Variants in MPPED1 observed in about 807,000 individuals in gnomAD.
MPPED1 encodes the protein metallophosphoesterase domain-containing protein 1.
Under a neutral mutation model 36.2 loss-of-function variants are expected in MPPED1, and 16 were observed. That is an observed-to-expected ratio of 0.44 (90% confidence interval 0.30 to 0.67). The LOEUF (loss-of-function observed/expected upper bound fraction) is 0.67. Ranked by LOEUF, MPPED1 falls within the 30% of genes least tolerant of loss-of-function variation. MPPED1 has a pLI of 0.10. For synonymous variants in MPPED1, 199 were observed against 191.3 expected, an observed-to-expected ratio of 1.04 and a Z score of -0.33; for missense variants, 307 against 453.4, an observed-to-expected ratio of 0.68 and a Z score of 2.93.
rs148735588 is a variant in MPPED1, at chr22:43,457,526, T to C, written c.407-17210T>C. Reference sequence around the variant, plus strand: ...ATGTTTAATATAACTACTGACAAAGTAGGATTTATATCTGCCATTTTGCTT... The same window carrying C: ...ATGTTTAATATAACTACTGACAAAGCAGGATTTATATCTGCCATTTTGCTT... On this transcript the variant is annotated intron_variant, in intron 3 of 6. Transcript: ENST00000443721. 3.0e-3 allele frequency among the ~76,000 whole-genome samples: 461 copies of C among 152,274 alleles called. 2 individuals carry two copies. The highest frequency in any genetic ancestry group is 4.2e-3 in the Non-Finnish European group (284 of 68,020).
intron 4 of MPPED1, among the ~76,000 whole-genome samples, chr22:43,489,308 G>A (rs533042133): frequency 6.6e-4 from 101 of 152,146 alleles, no homozygotes; most frequent in African/African-American, 2.3e-3. Flanking sequence ...ACAGGAGGCC[G>A]GGGGCTGTCC....
At chr22:43,484,629 C>T (rs565868681) in intron 4 of MPPED1, among the ~76,000 whole-genome samples, 68 of 152,346 alleles carry the variant, frequency 4.5e-4, no homozygotes, top group African/African-American at 1.4e-3. Context: ...ACACGCAAAG[C>T]CATGCGGCTG....
intron 3 of MPPED1, among the ~76,000 whole-genome samples, chr22:43,448,578 TTTTATTTATTTATTTATTTA>T (rs135048): frequency 6.1e-5 from 9 of 147,354 alleles, no homozygotes; most frequent in East Asian, 6.0e-4. Flanking sequence ...TTTAAAATCT[TTTTATTTATTTATTTATTTA>T]TTTATTTATT....
At chr22:43,437,488 C>A (rs1383599483) in intron 3 of MPPED1, among the ~76,000 whole-genome samples, 2 of 152,102 alleles carry the variant, frequency 1.3e-5, no homozygotes, top group African/African-American at 2.4e-5. Flanking sequence ...GCAGTGGGAC[C>A]CCAGTGCTGA....
At position 43,506,359 on chromosome 22, in the gene MPPED1, G is replaced by GA. The variant is rs1425371381; in HGVS notation, c.*744dup. The GA allele has an allele frequency of 5.2e-5, 8 of 152,530 alleles. No homozygotes were observed. Among genetic ancestry groups the GA allele is most frequent in the Non-Finnish European group, 1.2e-4 (8 of 68,130 alleles). 9.4% of individuals were successfully genotyped at this position (152,530 alleles called of 1,614,324 possible). A position where few individuals can be genotyped will look rare whatever the true frequency, so the allele number is the denominator to read the frequency against. On this transcript the variant is annotated 3_prime_UTR_variant, in exon 7 of 7. Transcript: ENST00000443721. ...GTGAGAGCGTTCCCAGTCATGGGGG[G>GA]ATGACCCTTGGTCCCACGGGGAACA... is the stretch of plus-strand genomic sequence containing the variant.
At chr22:43,495,332 GTAGTGATGGAGGTGTTGA>G (rs1236841555) in intron 4 of MPPED1, among the ~76,000 whole-genome samples, 11 of 149,092 alleles carry the variant, frequency 7.4e-5, no homozygotes, top group African/African-American at 2.7e-4. Context: ...GATGGTGGTG[GTAGTGATGGAGGTGTTGA>G]TGGAGGTGAT....
At chr22:43,463,807 T>TTTTCTTTCTTTCTTTC (rs695374) in intron 3 of MPPED1, among the ~76,000 whole-genome samples, 27 of 112,996 alleles carry the variant, frequency 2.4e-4, no homozygotes, top group East Asian at 5.4e-4. Context: ...TCATTTTTTC[T>TTTTCTTTCTTTCTTTC]TTTCTTTCTT....
intron 3 of MPPED1, among the ~76,000 whole-genome samples, chr22:43,440,104 G>C (rs370065600): frequency 1.3e-5 from 2 of 152,260 alleles, no homozygotes; most frequent in Non-Finnish European, 2.9e-5. Context: ...ATGTGCAGCC[G>C]TGAGTGGCAT....
chr22:43,419,793 T>C (rs1929201543), intron 1 of MPPED1, among the ~76,000 whole-genome samples: 2 of 152,054 alleles, frequency 1.3e-5, no homozygotes, highest in African/African-American at 4.8e-5. Context: ...GTCGGACCTC[T>C]TTCCTAGACA....
At chr22:43,426,494 C>T (rs183100066) in intron 2 of MPPED1, among the ~76,000 whole-genome samples, 6 of 152,286 alleles carry the variant, frequency 3.9e-5, no homozygotes, top group South Asian at 4.1e-4. Context: ...GGCCCTGGGC[C>T]GCCTCTGGGG....
In MPPED1 at chr22:43,502,670, A is replaced by G. The variant is rs767832883; in HGVS notation, c.775A>G (p.Met259Val). 3 of 1,613,078 alleles carry G rather than the reference A, an allele frequency of 1.9e-6. No individual in the cohort carries two copies. The highest frequency in any genetic ancestry group is 1.1e-5 in the South Asian group (1 of 91,078). ...LGFLDWVPKKMQRVGCVELLN... is the reference protein window; with the variant it reads ...LGFLDWVPKKVQRVGCVELLN... ...CTTCCTGGACTGGGTCCCCAAGAAG[A>G]TGCAGCGGGTGGGCTGTGTGGAGCT... The change falls in exon 6 of 7, where the codon ATG becomes GTG. Residue 259 changes from methionine to valine, a missense_variant. Met to Val is a conservative substitution (Grantham distance 21). This residue lies in a region of MPPED1 where 132 missense variants were observed against 212.3 expected (regional missense o/e 0.62). Coordinates refer to ENST00000443721, the MANE Select transcript of MPPED1 (RefSeq NM_001044370.2). This position sits in a 1 kb window ranked among gnomAD's most constrained non-coding sequence, Gnocchi z 5.5.
At position 43,498,242 on chromosome 22, in the gene MPPED1, T is replaced by G; in HGVS notation, c.640T>G (p.Trp214Gly). The G allele has an allele frequency of 6.5e-7, 1 of 1,534,992 alleles. No individual in the cohort carries two copies. Among genetic ancestry groups the G allele is most frequent in the Non-Finnish European group, 8.7e-7 (1 of 1,146,330 alleles). Residue 214 changes from tryptophan (W) to glycine (G), a missense_variant, in exon 5 of 7, where the codon TGG becomes GGG. Physicochemically the swap from Trp to Gly is radical, Grantham distance 184. Coordinates refer to ENST00000443721, the MANE Select transcript of MPPED1 (RefSeq NM_001044370.2). ...CCTGCACTTCTTCTACAGGCAGCCC[T>G]GGTTCTACGGCTGGGGCTTCAACCT... ...FRIYGSPWQP[W>G]FYGWGFNLPR...
chr22:43,447,881 A>ATTTTT (rs1463126887), intron 3 of MPPED1, among the ~76,000 whole-genome samples: 7 of 34,564 alleles, frequency 2.0e-4, no homozygotes, highest in African/African-American at 1.1e-3. Context: ...ATATATATAT[A>ATTTTT]TATTTTTTTT....
intron 3 of MPPED1, among the ~76,000 whole-genome samples, chr22:43,464,291 CTGTGTGTGTGTG>C (rs60119589): frequency 2.3e-3 from 331 of 143,910 alleles, no homozygotes; most frequent in African/African-American, 7.4e-3. Context: ...TTGGTCAGCT[CTGTGTGTGTGTG>C]TGTGTGTGTG....
chr22:43,433,097 G>A (rs1307250887), intron 2 of MPPED1, among the ~76,000 whole-genome samples: 1 of 152,104 alleles, frequency 6.6e-6, no homozygotes, highest in African/African-American at 2.4e-5. Flanking sequence ...GGTCACACCA[G>A]CTGTCTGTCA....
At chr22:43,446,980 T>C (rs1410375997) in intron 3 of MPPED1, among the ~76,000 whole-genome samples, 2 of 152,154 alleles carry the variant, frequency 1.3e-5, no homozygotes, top group Admixed American at 6.5e-5. Context: ...AGTTGGACCA[T>C]GTAGGCTTAA....
At chr22:43,487,493 G>C (rs1412154634) in intron 4 of MPPED1, among the ~76,000 whole-genome samples, 2 of 152,190 alleles carry the variant, frequency 1.3e-5, no homozygotes, top group African/African-American at 2.4e-5. Context: ...GCTTGTCCTG[G>C]AAGCAGCAGG....
At chr22:43,480,009 T>C (rs1931699164) in intron 4 of MPPED1, among the ~76,000 whole-genome samples, 1 of 152,144 alleles carries the variant, frequency 6.6e-6, no homozygotes, top group African/African-American at 2.4e-5. Context: ...ACCACAGGTA[T>C]GTACCACCAC....
chr22:43,412,115 C>A lies in MPPED1; in HGVS notation c.-122C>A. On this transcript the variant is annotated 5_prime_UTR_variant, in exon 1 of 7. It adds an upstream start codon to the 5' untranslated region. Transcript: ENST00000443721. Reference sequence around the variant, plus strand: ...CCCCTGCCTCCCTCGGTGCGCGCTGCTGCTCGCAGCCGCCGCGGCCGCCGA... The same window carrying A: ...CCCCTGCCTCCCTCGGTGCGCGCTGATGCTCGCAGCCGCCGCGGCCGCCGA... 1 of 979,570 alleles carries A rather than the reference C, an allele frequency of 1.0e-6. No individual in the cohort carries two copies. Among genetic ancestry groups the A allele is most frequent in the Non-Finnish European group, 1.2e-6 (1 of 827,676 alleles). The allele number at this position is 979,570 out of a possible 1,614,324, so 60.7% of individuals were successfully genotyped here.
Sources: gnomAD v4.1 joint callset for allele counts (sites outside exome capture counted in the v4.1 genomes callset) on GRCh38, gnomAD v4.1.1 for gene constraint, gnomAD v4.1.1 regional missense constraint, Gnocchi (gnomAD v3.1) non-coding constraint, MANE v1.5 for transcripts, NCBI Gene and HGNC (gene_info 2026-07-23, HGNC 2026-07-21) for gene names.